The following FER variants were observed in gnomAD, a reference collection of about 807,000 sequenced individuals.
FER encodes FER tyrosine kinase.
Under a neutral mutation model 111.0 loss-of-function variants are expected in FER, and 63 were observed. That is an observed-to-expected ratio of 0.57 (90% CI 0.46 to 0.70). The LOEUF (loss-of-function observed/expected upper bound fraction) is 0.70. Ranked by LOEUF, FER falls within the 30% of genes least tolerant of loss-of-function variation. The pLI, the probability that FER is intolerant of heterozygous loss-of-function variation, is 0.00. For missense variants in FER, 914 were observed against 954.0 expected, an observed-to-expected ratio of 0.96 and a Z score of 0.55; for synonymous variants, 327 against 313.9, an observed-to-expected ratio of 1.04 and a Z score of -0.44.
chr5:109,134,696 A>G (rs1047329858), intron 17 of FER, among the ~76,000 whole-genome samples: 9 of 152,182 alleles, frequency 5.9e-5, no homozygotes, highest in Non-Finnish European at 1.0e-4. Flanking sequence ...GAAGAGGGAT[A>G]TATAGTCTCT....
intron 8 of FER, among the ~76,000 whole-genome samples, chr5:108,881,443 T>C (rs1207900699): frequency 6.6e-6 from 1 of 152,158 alleles, no homozygotes. Flanking sequence ...CCTGCCCCCA[T>C]GATTCAGTTA....
chr5:109,102,082 A>C (rs1303965422), intron 17 of FER, among the ~76,000 whole-genome samples: 2 of 152,112 alleles, frequency 1.3e-5, no homozygotes, highest in African/African-American at 4.8e-5. Context: ...TTTCTTAAAA[A>C]ATGGGTCACT....
At chr5:108,909,167 A>T (rs1344374245) in intron 10 of FER, among the ~76,000 whole-genome samples, 1 of 152,168 alleles carries the variant, frequency 6.6e-6, no homozygotes, top group Non-Finnish European at 1.5e-5. Flanking sequence ...TTTGATAATT[A>T]TTTTATGACA....
At chr5:109,027,892 T>G (rs1274679049) in intron 13 of FER, among the ~76,000 whole-genome samples, 3 of 152,244 alleles carry the variant, frequency 2.0e-5, no homozygotes, top group African/African-American at 7.2e-5. Flanking sequence ...CAGTTATTTT[T>G]ATAGCTTTTG....
intron 13 of FER, among the ~76,000 whole-genome samples, chr5:108,993,610 A>AGAGGGAGAGGGC (rs1763588804): frequency 9.3e-6 from 1 of 107,538 alleles, no homozygotes; most frequent in Admixed American, 8.8e-5. Flanking sequence ...AGGGCGAGGG[A>AGAGGGAGAGGGC]GAGGGCAAGG....
Position 109,037,514 on chromosome 5 carries a change from C to T in FER, c.1713+36C>T, listed in dbSNP as rs757396866. 7 of 1,563,892 alleles carry T rather than the reference C, an allele frequency of 4.5e-6. No homozygotes were observed. In the South Asian group the frequency reaches 7.9e-5, roughly 18 times the overall value. ...AACTGAGCTAAATAACCAGAAGTCT[C>T]TATATTGATTGTGAAGACTGCAGAT... On this transcript the variant is annotated intron_variant, in intron 14 of 19. Transcript: ENST00000281092.
chr5:109,139,929 C>G (rs1457112461), intron 17 of FER, among the ~76,000 whole-genome samples: 1 of 152,154 alleles, frequency 6.6e-6, no homozygotes, highest in Non-Finnish European at 1.5e-5. Context: ...ATACTGCTAT[C>G]AATTACTGAC....
chr5:109,044,245 C>G (rs1379154103), intron 14 of FER, among the ~76,000 whole-genome samples: 4 of 150,630 alleles, frequency 2.7e-5, no homozygotes, highest in African/African-American at 9.8e-5. Flanking sequence ...GTGGCGCAAT[C>G]TCTGTTCACT....
intron 5 of FER, among the ~76,000 whole-genome samples, chr5:108,862,325 T>C (rs1457352765): frequency 1.3e-5 from 2 of 152,176 alleles, no homozygotes; most frequent in Admixed American, 6.5e-5. Context: ...AATGTTATCT[T>C]GGAGCATAAA....
At chr5:109,128,936 T>C (rs1340190355) in intron 17 of FER, among the ~76,000 whole-genome samples, 2 of 152,028 alleles carry the variant, frequency 1.3e-5, no homozygotes, top group African/African-American at 4.8e-5. Flanking sequence ...TTTATAAAGC[T>C]ATAGTAATTA....
intron 17 of FER, among the ~76,000 whole-genome samples, chr5:109,157,005 G>A (rs1337409857): frequency 6.6e-6 from 1 of 152,060 alleles, no homozygotes; most frequent in Admixed American, 6.6e-5. Context: ...CACTTGGTAA[G>A]TAAATTATGC....
chr5:109,151,561 G>T (rs954140886), intron 17 of FER, among the ~76,000 whole-genome samples: 1 of 152,114 alleles, frequency 6.6e-6, no homozygotes, highest in Non-Finnish European at 1.5e-5. Flanking sequence ...GGCATTTGCT[G>T]TAGTAGAAAT....
intron 11 of FER, among the ~76,000 whole-genome samples, chr5:108,950,612 G>A (rs184917156): frequency 1.3e-5 from 2 of 151,874 alleles, no homozygotes; most frequent in African/African-American, 4.8e-5. Context: ...ACAAATATTC[G>A]GAATATCTTA....
At chr5:108,997,339 A>G (rs1764123216) in intron 13 of FER, among the ~76,000 whole-genome samples, 2 of 150,464 alleles carry the variant, frequency 1.3e-5, no homozygotes, top group East Asian at 2.0e-4. Context: ...AATGGCGTGA[A>G]CCCAGGAGGC....
At chr5:108,777,659 A>G (rs964638721) in intron 2 of FER, among the ~76,000 whole-genome samples, 11 of 152,294 alleles carry the variant, frequency 7.2e-5, no homozygotes, top group Non-Finnish European at 1.5e-4. Flanking sequence ...CACACTGCTG[A>G]TAAAGACATA....
chr5:108,897,828 G>T lies in FER; in HGVS notation c.1216G>T (p.Ala406Ser). The change falls in exon 10 of 20, where the codon GCA becomes TCA. Residue 406 changes from alanine (A) to serine (S), a missense_variant. By Grantham distance (99) the Ala-to-Ser change is moderately conservative. Coordinates refer to ENST00000281092, the MANE Select transcript of FER (RefSeq NM_005246.4). ...PPPVVNYEED[A>S]RSVTSMERKE... ...TCCAGTAGTAAATTATGAAGAAGAT[G>T]CACGATCAGTTACATCTATGGTAAG... 6.2e-7 allele frequency: 1 copy of T among 1,611,456 alleles called. No homozygotes were observed. Among genetic ancestry groups the T allele is most frequent in the Non-Finnish European group, 8.5e-7 (1 of 1,179,000 alleles).
chr5:108,865,720 A>C (rs1763978746), intron 5 of FER, among the ~76,000 whole-genome samples: 1 of 152,210 alleles, frequency 6.6e-6, no homozygotes, highest in Admixed American at 6.5e-5. Flanking sequence ...ATCTACAATG[A>C]ACTCAAACAA....
At chr5:108,844,427 G>T (rs1405970664) in intron 5 of FER, among the ~76,000 whole-genome samples, 1 of 151,990 alleles carries the variant, frequency 6.6e-6, no homozygotes, top group Non-Finnish European at 1.5e-5. Flanking sequence ...TTTATATATT[G>T]TGTTTAATTG....
chr5:109,105,344 G>T (rs932603784), intron 17 of FER, among the ~76,000 whole-genome samples: 1 of 149,668 alleles, frequency 6.7e-6, no homozygotes, highest in East Asian at 2.0e-4. Flanking sequence ...CATTTTTCCC[G>T]ATGATCTTTG....
Sources: allele counts gnomAD v4.1 joint callset (sites outside exome capture counted in the v4.1 genomes callset), GRCh38; gene constraint gnomAD v4.1.1; transcripts MANE v1.5; gene names NCBI Gene and HGNC (gene_info 2026-07-23, HGNC 2026-07-21).